TXNL4A: variants seen among roughly 807,000 people sequenced by gnomAD.
TXNL4A encodes thioredoxin-like protein 4A.
TXNL4A carries 17 observed loss-of-function variants against 14.6 expected under a neutral mutation model. The ratio of observed to expected loss-of-function variants is 1.16; its 90% CI spans 0.80 to 1.74. TXNL4A has a LOEUF of 1.74. TXNL4A is among the 40% of genes most tolerant of loss of function. The pLI is 0.00. For missense variants in TXNL4A, 74 were observed against 195.2 expected, an observed-to-expected ratio of 0.38 and a Z score of 3.70; for synonymous variants, 83 against 70.6, an observed-to-expected ratio of 1.18 and a Z score of -0.88.
chr18:79,976,233 C>G (rs1407541876), intron 2 of TXNL4A, among the ~76,000 whole-genome samples: 1 of 152,146 alleles, frequency 6.6e-6, no homozygotes, highest in Admixed American at 6.5e-5. Flanking sequence ...GAGTGAGACT[C>G]CATCTCAATA....
chr18:80,025,730 T>G (rs1250771972), intron 1 of TXNL4A, among the ~76,000 whole-genome samples: 1 of 152,228 alleles, frequency 6.6e-6, no homozygotes, highest in East Asian at 1.9e-4. Flanking sequence ...ACCCAGGTCA[T>G]TCAGACCTTT....
upstream of TXNL4A, among the ~76,000 whole-genome samples, chr18:79,989,455 G>A (rs951042832): frequency 2.0e-5 from 3 of 152,116 alleles, no homozygotes; most frequent in African/African-American, 7.2e-5. Context: ...TCCACCTCCA[G>A]GACTGATCTG....
chr18:79,988,407 T>G lies in TXNL4A; in HGVS notation c.-15A>C. 7.0e-7 allele frequency: 1 copy of G among 1,432,166 alleles called. No homozygotes were observed. The highest frequency in any genetic ancestry group is 9.3e-7 in the Non-Finnish European group (1 of 1,072,272). 88.7% of individuals were successfully genotyped at this position (1,432,166 alleles called of 1,614,324 possible). A position where few individuals can be genotyped will look rare whatever the true frequency, so the allele number is the denominator to read the frequency against. On this transcript the variant is annotated 5_prime_UTR_variant, in exon 1 of 3. Coordinates refer to ENST00000269601, the MANE Select transcript of TXNL4A (RefSeq NM_006701.5). The stretch of plus-strand genomic sequence containing the variant: ...ATGTACGACATGGCGGCCCGCGCGC[T>G]CGCCGCCGCCCAAGGCGGGGCGCCA...
At chr18:79,985,282 G>A (rs535954504) in intron 1 of TXNL4A, among the ~76,000 whole-genome samples, 1 of 152,172 alleles carries the variant, frequency 6.6e-6, no homozygotes, top group East Asian at 1.9e-4. Flanking sequence ...TTGAGACAGG[G>A]TCTCGCTCTG....
In TXNL4A at chr18:79,973,625, T is replaced by C; in HGVS notation, c.*60A>G. 1 of 1,550,694 alleles carries C rather than the reference T, an allele frequency of 6.4e-7. No individual in the cohort carries two copies. On this transcript the variant is annotated 3_prime_UTR_variant, in exon 3 of 3. Transcript: ENST00000269601. Reference sequence around the variant, plus strand: ...GTATTTTCCAAAGGCTTTAAATAGCTTAAAACGTTTCCATACAAAAAGGGC... The same window carrying C: ...GTATTTTCCAAAGGCTTTAAATAGCCTAAAACGTTTCCATACAAAAAGGGC...
intron 1 of TXNL4A, chr18:79,994,934 C>G (rs1226435959): frequency 6.6e-6 from 1 of 152,226 alleles, no homozygotes; most frequent in Non-Finnish European, 1.5e-5. Context: ...TTCCAAGACC[C>G]TACTTCCTGC....
chr18:80,003,738 A>C (rs2145107057), intron 1 of TXNL4A, among the ~76,000 whole-genome samples: 1 of 152,296 alleles, frequency 6.6e-6, no homozygotes, highest in East Asian at 1.9e-4. Flanking sequence ...TTCATAAAGG[A>C]AAGGGGTTTA....
intron 1 of TXNL4A, among the ~76,000 whole-genome samples, chr18:80,022,989 A>G (rs577677313): frequency 6.6e-5 from 10 of 152,310 alleles, no homozygotes; most frequent in South Asian, 4.1e-4. Context: ...ATTATGTAGT[A>G]GTTGGACTTG....
At chr18:80,006,002 G>T (rs2051727826) in intron 1 of TXNL4A, among the ~76,000 whole-genome samples, 1 of 152,156 alleles carries the variant, frequency 6.6e-6, no homozygotes, top group Admixed American at 6.5e-5. Flanking sequence ...ACACAATTTT[G>T]TAGTCCCAAG....
intron 1 of TXNL4A, among the ~76,000 whole-genome samples, chr18:79,981,465 A>T (rs973339449): frequency 2.0e-5 from 3 of 152,210 alleles, no homozygotes; most frequent in African/African-American, 7.2e-5. Flanking sequence ...TGAGGTCAGG[A>T]GTTCGAGACC....
intron 1 of TXNL4A, among the ~76,000 whole-genome samples, chr18:80,010,393 T>C (rs1455248554): frequency 2.6e-5 from 4 of 152,038 alleles, no homozygotes; most frequent in Non-Finnish European, 5.9e-5. Context: ...CAGCACCAGT[T>C]AGAAGATGAA....
At chr18:80,024,442 T>C (rs1005386996) in intron 1 of TXNL4A, among the ~76,000 whole-genome samples, 1 of 152,078 alleles carries the variant, frequency 6.6e-6, no homozygotes, top group African/African-American at 2.4e-5. Context: ...ATTGTTAGTT[T>C]TGCTTAACTG....
chr18:79,973,931 T>C, intron 2 of TXNL4A, 75 bp from the exon 3 acceptor site: 2 of 1,564,176 alleles, frequency 1.3e-6, no homozygotes, highest in South Asian at 1.2e-5. Context: ...CAATGCCGTA[T>C]TTTTCCCACT....
At chr18:79,974,204 G>A (rs927536883) in intron 2 of TXNL4A, among the ~76,000 whole-genome samples, 11 of 151,966 alleles carry the variant, frequency 7.2e-5, no homozygotes, top group East Asian at 1.9e-4. Context: ...CTTGAGGCCC[G>A]GAGTCCGAGA....
intron 1 of TXNL4A, among the ~76,000 whole-genome samples, chr18:79,983,788 G>C (rs917972814): frequency 6.6e-6 from 1 of 152,198 alleles, no homozygotes; most frequent in Non-Finnish European, 1.5e-5. Context: ...TGTGACAGGA[G>C]TGCTCTAGAA....
At chr18:79,997,066 T>C (rs530841462) in intron 1 of TXNL4A, among the ~76,000 whole-genome samples, 28 of 152,106 alleles carry the variant, frequency 1.8e-4, no homozygotes, top group African/African-American at 5.5e-4. Context: ...AGAGAGAACA[T>C]TGGAATAAAG....
rs978636582 is a variant in TXNL4A at position 80,014,687 on chromosome 18, C to A, written c.-61+19164G>T. ...CGGTGCAAACTGTCAGTGGATCTAC[C>A]ATTCTGGGGTCTGGAGGATTCTGGC... On this transcript the variant is annotated intron_variant, in intron 1 of 2. Coordinates refer to the TXNL4A transcript ENST00000585474. 8.5e-5 allele frequency among the ~76,000 whole-genome samples: 13 copies of A among 152,158 alleles called. 1 individual carries two copies. Among genetic ancestry groups the A allele is most frequent in the Admixed American group, 7.9e-4 (12 of 15,278 alleles).
chr18:79,989,552 C>T (rs2051609715), upstream of TXNL4A, among the ~76,000 whole-genome samples: 1 of 152,204 alleles, frequency 6.6e-6, no homozygotes, highest in Admixed American at 6.5e-5. Flanking sequence ...GTTAATATTT[C>T]TCTTTTTAAA....
At chr18:79,987,434 A>C (rs143995773) in intron 1 of TXNL4A, among the ~76,000 whole-genome samples, 1 of 152,212 alleles carries the variant, frequency 6.6e-6, no homozygotes, top group Admixed American at 6.5e-5. Context: ...TTTACTCTTC[A>C]TTAAAAGGAA....
Sources: gnomAD v4.1 joint callset for allele counts (sites outside exome capture counted in the v4.1 genomes callset) on GRCh38, gnomAD v4.1.1 for gene constraint, MANE v1.5 for transcripts, NCBI Gene and HGNC (gene_info 2026-07-23, HGNC 2026-07-21) for gene names.